PID1: variants seen among roughly 807,000 people sequenced by gnomAD.
PID1 encodes the protein PTB-containing, cubilin and LRP1-interacting protein.
A neutral mutation model predicts 19.1 loss-of-function variants in PID1; 10 were observed. The ratio of observed to expected loss-of-function variants is 0.52; its 90% CI spans 0.32 to 0.89. The LOEUF (loss-of-function observed/expected upper bound fraction) is 0.89. PID1 is among the 40% of genes least tolerant of loss of function. The pLI, the probability that PID1 is intolerant of heterozygous loss-of-function variation, is 0.03. For synonymous variants in PID1, 130 were observed against 116.0 expected, an observed-to-expected ratio of 1.12 and a Z score of -0.78; for missense variants, 248 against 285.3, an observed-to-expected ratio of 0.87 and a Z score of 0.94.
intron 1 of PID1, among the ~76,000 whole-genome samples, chr2:229,183,227 A>G (rs1412411092): frequency 6.6e-6 from 1 of 152,166 alleles, no homozygotes; most frequent in Non-Finnish European, 1.5e-5. Context: ...TATGCAAGCC[A>G]AGTTTTCAGC....
intron 1 of PID1, among the ~76,000 whole-genome samples, chr2:229,219,392 C>T (rs1281483093): frequency 6.6e-6 from 1 of 152,114 alleles, no homozygotes; most frequent in East Asian, 1.9e-4. Context: ...GGGGAAGCCC[C>T]TTATAAAACC....
intron 1 of PID1, among the ~76,000 whole-genome samples, chr2:229,214,146 T>G (rs968582789): frequency 9.9e-5 from 15 of 152,220 alleles, no homozygotes; most frequent in African/African-American, 3.1e-4. Flanking sequence ...GCATAACTTT[T>G]CATTCATACC....
chr2:229,209,883 A>G (rs1574724020), intron 1 of PID1, among the ~76,000 whole-genome samples: 1 of 152,184 alleles, frequency 6.6e-6, no homozygotes. Flanking sequence ...AGCATTCAAA[A>G]TTCAAGCACT....
intron 2 of PID1, among the ~76,000 whole-genome samples, chr2:229,125,219 C>A (rs1251848739): frequency 6.6e-6 from 1 of 152,096 alleles, no homozygotes; most frequent in East Asian, 1.9e-4. Flanking sequence ...TTACTGAATT[C>A]TATGACATTC....
chr2:229,173,029 A>ATTGAG, intron 1 of PID1, among the ~76,000 whole-genome samples: 1 of 152,116 alleles, frequency 6.6e-6, no homozygotes, highest in East Asian at 1.9e-4. Context: ...CACTGGCCTC[A>ATTGAG]ATGCACTTTT....
chr2:229,103,880 G>A lies in PID1; in HGVS notation c.177+51938C>T, dbSNP rs376636322. Among the ~76,000 whole-genome samples, 43 of 152,160 alleles carry A rather than the reference G, an allele frequency of 2.8e-4. No individual in the cohort carries two copies. The Middle Eastern group carries it at 0.014, about 48-fold the overall frequency. ...TCGTGAGCCACCACACCCAGCCTAT[G>A]CTGGATTTCACAAACCCAGGAATTC... is the stretch of plus-strand genomic sequence containing the variant. On this transcript the variant is annotated intron_variant, in intron 2 of 2. Transcript: ENST00000392055.
At chr2:229,233,147 T>A (rs1574744800) in intron 1 of PID1, among the ~76,000 whole-genome samples, 1 of 152,290 alleles carries the variant, frequency 6.6e-6, no homozygotes, top group South Asian at 2.1e-4. Flanking sequence ...TTAATTTTTT[T>A]AAATAAGATC....
chr2:229,158,167 A>C (rs1690420122), intron 1 of PID1, among the ~76,000 whole-genome samples: 1 of 152,228 alleles, frequency 6.6e-6, no homozygotes, highest in Non-Finnish European at 1.5e-5. Flanking sequence ...ACAGCATTAA[A>C]TGGCAAATAA....
chr2:229,058,400 A>G (rs1694145870), intron 2 of PID1, among the ~76,000 whole-genome samples: 1 of 152,190 alleles, frequency 6.6e-6, no homozygotes, highest in Non-Finnish European at 1.5e-5. Context: ...CCAGCAGAGA[A>G]GGTACTCTGC....
intron 2 of PID1, among the ~76,000 whole-genome samples, chr2:229,068,419 A>C (rs1273547493): frequency 6.9e-6 from 1 of 144,986 alleles, no homozygotes; most frequent in African/African-American, 2.6e-5. Context: ...GTCCGGGTGT[A>C]ACGAATACTG....
chr2:229,193,395 G>C (rs1179571511), intron 1 of PID1, among the ~76,000 whole-genome samples: 1 of 152,158 alleles, frequency 6.6e-6, no homozygotes, highest in African/African-American at 2.4e-5. Context: ...CTGCTCTAAG[G>C]CTTGTTCTGA....
chr2:229,223,997 T>G (rs893587207), intron 1 of PID1, among the ~76,000 whole-genome samples: 1 of 152,146 alleles, frequency 6.6e-6, no homozygotes, highest in Admixed American at 6.5e-5. Context: ...TATGTACCCA[T>G]TATTTAGTTC....
intron 1 of PID1, among the ~76,000 whole-genome samples, chr2:229,177,488 ATT>A (rs1175321337): frequency 6.6e-6 from 1 of 151,884 alleles, no homozygotes; most frequent in Non-Finnish European, 1.5e-5. Context: ...TGCTTTTCTC[ATT>A]CTCTCAATTC....
chr2:229,262,777 A>T, intron 1 of PID1: 1 of 1,551,594 alleles, frequency 6.4e-7, no homozygotes, highest in East Asian at 2.4e-5. Context: ...CTCTTCTAAC[A>T]TCAGGTGGTT....
intron 2 of PID1, among the ~76,000 whole-genome samples, chr2:229,086,850 T>G (rs1574617551): frequency 6.6e-6 from 1 of 151,906 alleles, no homozygotes; most frequent in East Asian, 1.9e-4. Context: ...TTGCAGAGCA[T>G]CCGCATGCAC....
chr2:229,209,175 C>T (rs529003384), intron 1 of PID1, among the ~76,000 whole-genome samples: 1 of 152,314 alleles, frequency 6.6e-6, no homozygotes, highest in South Asian at 2.1e-4. Flanking sequence ...TTTTAAAATT[C>T]TATAAGCACT....
In PID1 at chr2:229,155,984, G is replaced by A. The variant is rs1295343377; in HGVS notation, c.31-20C>T. The A allele has an allele frequency of 4.3e-6, 7 of 1,609,202 alleles. No individual in the cohort carries two copies. Among genetic ancestry groups the A allele is most frequent in the Non-Finnish European group, 5.9e-6 (7 of 1,178,290 alleles). ...AAAGTGCTGAAAAGCAGAAAAATAA[G>A]CCACATGTAGTTTAATCACTTGGAC... is the stretch of plus-strand genomic sequence containing the variant. On this transcript the variant is annotated intron_variant, in intron 1 of 2. Transcript: ENST00000392055.
chr2:229,033,687 T>TA (rs1693602481), intron 2 of PID1, among the ~76,000 whole-genome samples: 1 of 152,058 alleles, frequency 6.6e-6, no homozygotes, highest in African/African-American at 2.4e-5. Context: ...ATAAAAAAAT[T>TA]AAAAAAATAT....
At chr2:229,235,593 G>GAAAT (rs1692307469) in intron 1 of PID1, among the ~76,000 whole-genome samples, 1 of 151,864 alleles carries the variant, frequency 6.6e-6, no homozygotes, top group Non-Finnish European at 1.5e-5. Context: ...ATTAATCCTT[G>GAAAT]AAATAGTCAC....
Sources: gnomAD v4.1 joint callset for allele counts (sites outside exome capture counted in the v4.1 genomes callset) on GRCh38, gnomAD v4.1.1 for gene constraint, MANE v1.5 for transcripts, NCBI Gene and HGNC (gene_info 2026-07-23, HGNC 2026-07-21) for gene names.